VPS41: variants seen among roughly 807,000 people sequenced by gnomAD.
VPS41 encodes VPS41 subunit of HOPS complex, also known as vacuolar protein sorting-associated protein 41 homolog.
A neutral mutation model predicts 130.9 loss-of-function variants in VPS41; 85 were observed. The observed-to-expected ratio is 0.65, with a 90% CI of 0.55 to 0.78. The LOEUF is 0.78. Ranked by LOEUF, VPS41 falls within the 30% of genes least tolerant of loss-of-function variation. The pLI is 0.00. For missense variants in VPS41, 874 were observed against 1,018.7 expected, an observed-to-expected ratio of 0.86 and a Z score of 1.93; for synonymous variants, 335 against 332.9, an observed-to-expected ratio of 1.01 and a Z score of -0.07.
intron 27 of VPS41, 166 bp from the exon 28 acceptor site, chr7:38,727,154 CA>C (rs1795561011): frequency 3.9e-6 from 2 of 514,884 alleles, no homozygotes; most frequent in South Asian, 7.6e-5. Context: ...TGATCAGACA[CA>C]AAACAGGTAT....
chr7:38,887,572 C>T (rs1253737929), intron 2 of VPS41, among the ~76,000 whole-genome samples: 2 of 152,080 alleles, frequency 1.3e-5, no homozygotes, highest in South Asian at 2.1e-4. Flanking sequence ...CTGAAAGTGG[C>T]GGGGATAATG....
chr7:38,867,443 G>GTTGAGGCAGGAGAATTGC (rs1323716270), intron 3 of VPS41, among the ~76,000 whole-genome samples: 2 of 152,014 alleles, frequency 1.3e-5, no homozygotes, highest in African/African-American at 2.4e-5. Context: ...TACTTAGGAG[G>GTTGAGGCAGGAGAATTGC]TTGAGGCAGG....
chr7:38,863,394 T>G (rs1043012728), intron 3 of VPS41, among the ~76,000 whole-genome samples: 5 of 152,306 alleles, frequency 3.3e-5, no homozygotes, highest in Admixed American at 2.6e-4. Flanking sequence ...AAATTCTCTG[T>G]ATTTCATTGC....
intron 4 of VPS41, among the ~76,000 whole-genome samples, chr7:38,852,665 C>T (rs781764408): frequency 3.3e-5 from 5 of 152,142 alleles, no homozygotes; most frequent in Non-Finnish European, 7.4e-5. Flanking sequence ...CAAAGCTACA[C>T]AAACAGAAAA....
intron 4 of VPS41, among the ~76,000 whole-genome samples, chr7:38,840,600 GA>G (rs1246667003): frequency 6.6e-6 from 1 of 152,058 alleles, no homozygotes. Flanking sequence ...TTAAGTAAAT[GA>G]AGATTTTTAA....
At chr7:38,836,253 A>G (rs1785491996) in intron 4 of VPS41, among the ~76,000 whole-genome samples, 1 of 151,946 alleles carries the variant, frequency 6.6e-6, no homozygotes, top group Non-Finnish European at 1.5e-5. Context: ...CTTATTCGCA[A>G]TTACCTTTAA....
At chr7:38,776,319 G>A (rs890693323) in intron 11 of VPS41, among the ~76,000 whole-genome samples, 2 of 152,090 alleles carry the variant, frequency 1.3e-5, no homozygotes, top group South Asian at 2.1e-4. Flanking sequence ...CTGACCACAG[G>A]GACCCCTGTT....
rs759702704 is a variant in VPS41 at position 38,724,075 on chromosome 7, C to T, written c.*2171G>A. 8 of 152,042 alleles carry T rather than the reference C, an allele frequency of 5.3e-5. No homozygotes were observed. The highest frequency in any genetic ancestry group is 1.9e-4 in the East Asian group (1 of 5,192). 9.4% of individuals were successfully genotyped at this position (152,042 alleles called of 1,614,324 possible). A position where few individuals can be genotyped will look rare whatever the true frequency, so the allele number is the denominator to read the frequency against. On this transcript the variant is annotated 3_prime_UTR_variant, in exon 29 of 29. Coordinates refer to ENST00000310301, the MANE Select transcript of VPS41 (RefSeq NM_014396.4). ...TTACAGCAATTTCTGAAATGATAAA[C>T]GAACATATTTTATTATTTTCCTTTT...
At chr7:38,729,968 G>A (rs1795629871) in intron 25 of VPS41, among the ~76,000 whole-genome samples, 1 of 152,228 alleles carries the variant, frequency 6.6e-6, no homozygotes, top group South Asian at 2.1e-4. Context: ...TTTTCAGAGG[G>A]AGAAACTCAA....
At chr7:38,732,998 A>G (rs4723782) in intron 25 of VPS41, among the ~76,000 whole-genome samples, 100,230 of 151,888 alleles carry the variant, frequency 0.66, 34,015 homozygotes, top group Admixed American at 0.79. Context: ...CAGCTAATTT[A>G]TGTATTTTTA....
At chr7:38,733,750 C>T (rs1352700742) in intron 25 of VPS41, among the ~76,000 whole-genome samples, 1 of 152,142 alleles carries the variant, frequency 6.6e-6, no homozygotes, top group African/African-American at 2.4e-5. Context: ...CCATTATTAA[C>T]CTTTGCTTTG....
chr7:38,742,255 G>T, intron 24 of VPS41, 134 bp from the exon 25 acceptor site: 2 of 790,830 alleles, frequency 2.5e-6, no homozygotes, highest in South Asian at 2.1e-5. Flanking sequence ...CAAAGTAAGT[G>T]TTAAAACCAT....
At position 38,767,552 on chromosome 7, in the gene VPS41, T is replaced by TGA; in HGVS notation, c.1231_1232insTC (p.Tyr411PhefsTer4). The TGA allele has an allele frequency of 5.0e-6, 8 of 1,608,728 alleles. No individual in the cohort carries two copies. The highest frequency in any genetic ancestry group is 6.8e-6 in the Non-Finnish European group (8 of 1,176,492). ...TCATCATTACCGTGCTGCTATGTCATAGTCTCCTCTCTCCACCAGGTGATT... is the reference window on the plus strand; with the variant it reads ...TCATCATTACCGTGCTGCTATGTCATGAAGTCTCCTCTCTCCACCAGGTGATT... On this transcript the variant is annotated frameshift_variant, in exon 15 of 29. Coordinates refer to ENST00000310301, the MANE Select transcript of VPS41 (RefSeq NM_014396.4). LOFTEE classifies it high-confidence loss of function.
chr7:38,875,102 A>C (rs1482815629), intron 2 of VPS41, among the ~76,000 whole-genome samples: 1 of 152,164 alleles, frequency 6.6e-6, no homozygotes, highest in African/African-American at 2.4e-5. Context: ...ACAATCAATC[A>C]AAACACATCT....
At chr7:38,761,243 T>TTC (rs55853941) in intron 17 of VPS41, among the ~76,000 whole-genome samples, 78,266 of 122,746 alleles carry the variant, frequency 0.64, 26,479 homozygotes, top group Admixed American at 0.76. Flanking sequence ...TTCTTTGTTT[T>TTC]TCTCTCTCTC....
chr7:38,772,429 G>A (rs148694222), intron 13 of VPS41, 93 bp downstream of exon 13: 3 of 843,042 alleles, frequency 3.6e-6, no homozygotes, highest in Middle Eastern at 3.5e-4. Context: ...ACTCTACTTT[G>A]ACTACATAAA....
Position 38,832,704 on chromosome 7 carries a change from T to A in VPS41, c.247-2376A>T, listed in dbSNP as rs764587647. Among the ~76,000 whole-genome samples, 22 of 152,324 alleles carry A rather than the reference T, an allele frequency of 1.4e-4. 1 individual carries two copies. In the Middle Eastern group the frequency reaches 0.01, roughly 71 times the overall value. ...TGTTGCTAAACATAATGGTCCTTGT[T>A]CAATCCTAACTTACTTCACCTAATT... On this transcript the variant is annotated intron_variant, in intron 4 of 28. Coordinates refer to ENST00000310301, the MANE Select transcript of VPS41 (RefSeq NM_014396.4).
intron 2 of VPS41, among the ~76,000 whole-genome samples, chr7:38,881,237 C>A (rs1786598691): frequency 6.6e-6 from 1 of 152,180 alleles, no homozygotes; most frequent in South Asian, 2.1e-4. Context: ...TCTCCTTTTC[C>A]AGCTTCTGAA....
chr7:38,899,317 C>T (rs1346704151), intron 1 of VPS41, among the ~76,000 whole-genome samples: 1 of 152,168 alleles, frequency 6.6e-6, no homozygotes, highest in Non-Finnish European at 1.5e-5. Flanking sequence ...AATGTCAATC[C>T]AAGTCTCATA....
Sources: allele counts gnomAD v4.1 joint callset (sites outside exome capture counted in the v4.1 genomes callset), GRCh38; gene constraint gnomAD v4.1.1; transcripts MANE v1.5; gene names NCBI Gene and HGNC (gene_info 2026-07-23, HGNC 2026-07-21).